IMMT: variants seen among roughly 807,000 people sequenced by gnomAD.
The protein encoded by IMMT is inner membrane mitochondrial protein, also known as MICOS complex subunit MIC60.
Under a neutral mutation model 92.7 loss-of-function variants are expected in IMMT, and 40 were observed. That is an observed-to-expected ratio of 0.43 (90% CI 0.34 to 0.56). IMMT has a LOEUF of 0.56. Ranked by LOEUF, IMMT falls within the 20% of genes least tolerant of loss-of-function variation. The pLI, the probability that IMMT is intolerant of heterozygous loss-of-function variation, is 0.03. For synonymous variants in IMMT, 322 were observed against 336.1 expected, an observed-to-expected ratio of 0.96 and a Z score of 0.46; for missense variants, 831 against 912.1, an observed-to-expected ratio of 0.91 and a Z score of 1.14.
chr2:86,166,226 G>C (rs537848459), intron 7 of IMMT, among the ~76,000 whole-genome samples: 2 of 152,286 alleles, frequency 1.3e-5, no homozygotes, highest in African/African-American at 4.8e-5. Flanking sequence ...AGCTACTCGG[G>C]AGGCTGAGGC....
chr2:86,152,102 T>A (rs955904079), intron 11 of IMMT, among the ~76,000 whole-genome samples: 12 of 152,170 alleles, frequency 7.9e-5, no homozygotes, highest in African/African-American at 2.4e-4. Context: ...TTGTTTTTTT[T>A]TAAAATCTCA....
At chr2:86,165,313 T>C (rs1676597892) in intron 7 of IMMT, among the ~76,000 whole-genome samples, 1 of 152,208 alleles carries the variant, frequency 6.6e-6, no homozygotes, top group South Asian at 2.1e-4. Flanking sequence ...CCCATATCGG[T>C]AACCAGCAAA....
rs1676699775 is a variant in IMMT at position 86,166,656 on chromosome 2, A to G, written c.656-12T>C. 6.3e-7 allele frequency: 1 copy of G among 1,581,008 alleles called. No homozygotes were observed. The highest frequency in any genetic ancestry group is 1.4e-5 in the African/African-American group (1 of 72,910). ...GCTCTTGGCTAGAGCTTAAAAAAAA[A>G]AAAGAACAGTTAAAAAACAAATCCT... is the stretch of plus-strand genomic sequence containing the variant. On this transcript the variant is annotated splice_polypyrimidine_tract_variant and intron_variant, in intron 6 of 14. Coordinates refer to ENST00000410111, the MANE Select transcript of IMMT (RefSeq NM_006839.3).
intron 14 of IMMT, among the ~76,000 whole-genome samples, 172 bp from the exon 15 acceptor site, chr2:86,145,053 G>C (rs924147133): frequency 8.6e-5 from 11 of 127,982 alleles, no homozygotes; most frequent in Admixed American, 8.6e-4. Flanking sequence ...TTCCTAGCTG[G>C]CCTCTTCATA....
rs1287660210 is a variant in IMMT at position 86,179,686 on chromosome 2, C to G, written c.120-64G>C. The G allele has an allele frequency of 8.2e-6, 11 of 1,342,226 alleles. No individual in the cohort carries two copies. In the East Asian group the frequency reaches 1.8e-4, roughly 22 times the overall value. 83.1% of individuals were successfully genotyped at this position (1,342,226 alleles called of 1,614,324 possible). A position where few individuals can be genotyped will look rare whatever the true frequency, so the allele number is the denominator to read the frequency against. On this transcript the variant is annotated intron_variant, in intron 2 of 14. Transcript: ENST00000410111. ...GCTCTCCTACACCTATTTTCCTATA[C>G]CAATGTAACCATCTCGAAGACCTCT...
intron 11 of IMMT, among the ~76,000 whole-genome samples, chr2:86,153,304 T>TACACACAC (rs10572745): frequency 0.082 from 11,863 of 143,798 alleles, 521 homozygotes; most frequent in Middle Eastern, 0.12. Flanking sequence ...CAATCCATAT[T>TACACACAC]ACACACACAC....
chr2:86,147,673 G>T (rs946044494), intron 13 of IMMT, 29 bp downstream of exon 13: 1 of 1,600,376 alleles, frequency 6.2e-7, no homozygotes, highest in Non-Finnish European at 8.5e-7. Context: ...AGGAAGAGGG[G>T]TGTGGCTGAA....
At chr2:86,174,085 T>C (rs1031582282) in intron 3 of IMMT, among the ~76,000 whole-genome samples, 1 of 152,234 alleles carries the variant, frequency 6.6e-6, no homozygotes, top group African/African-American at 2.4e-5. Context: ...AAGACTATTA[T>C]CATTTCCTTT....
In IMMT at chr2:86,151,507, A is replaced by G. The variant is rs1007530861; in HGVS notation, c.1191T>C (p.Ser397=). 6.2e-7 allele frequency: 1 copy of G among 1,613,318 alleles called. No individual in the cohort carries two copies. Among genetic ancestry groups the G allele is most frequent in the Non-Finnish European group, 8.5e-7 (1 of 1,179,194 alleles). ...CAATGAGGGAGTTCAGATCATCAGT[A>G]GAGAGCTTGTCAGCTAAGCAAAAGA... ...MSVSDLADKL[S]TDDLNSLIAH... The change falls in exon 12 of 15, where the codon TCT becomes TCC. Residue 397 remains serine (S), a synonymous_variant. Coordinates refer to ENST00000410111, the MANE Select transcript of IMMT (RefSeq NM_006839.3).
At chr2:86,189,082 G>GA (rs1475089469) in intron 1 of IMMT, among the ~76,000 whole-genome samples, 4 of 151,886 alleles carry the variant, frequency 2.6e-5, no homozygotes, top group African/African-American at 9.7e-5. Flanking sequence ...TTTTGTCCTG[G>GA]AATTCCTTTT....
intron 10 of IMMT, among the ~76,000 whole-genome samples, chr2:86,157,944 A>C (rs939485576): frequency 1.3e-5 from 2 of 152,186 alleles, no homozygotes; most frequent in East Asian, 3.9e-4. Flanking sequence ...AACGACAAAA[A>C]AAATAAAAAT....
chr2:86,165,826 T>C (rs1676637154), intron 7 of IMMT, among the ~76,000 whole-genome samples: 2 of 152,324 alleles, frequency 1.3e-5, no homozygotes, highest in South Asian at 2.1e-4. Flanking sequence ...TTCTTAAAAC[T>C]GCATGTGAAG....
At position 86,160,014 on chromosome 2, in the gene IMMT, C is replaced by T. The variant is rs549896535; in HGVS notation, c.897-343G>A. 11 of 159,528 alleles carry T rather than the reference C, an allele frequency of 6.9e-5. No homozygotes were observed. The East Asian group carries it at 1.2e-3, about 18-fold the overall frequency. 9.9% of individuals were successfully genotyped at this position (159,528 alleles called of 1,614,324 possible). A position where few individuals can be genotyped will look rare whatever the true frequency, so the allele number is the denominator to read the frequency against. On this transcript the variant is annotated intron_variant, in intron 8 of 14. Transcript: ENST00000410111. Reference sequence around the variant, plus strand: ...AAGACTAGAACGAGACTGTTCGATCCGTAACTGACTGTGAACAATCAACTG... The same window carrying T: ...AAGACTAGAACGAGACTGTTCGATCTGTAACTGACTGTGAACAATCAACTG...
intron 10 of IMMT, among the ~76,000 whole-genome samples, chr2:86,158,064 A>G (rs1347609383): frequency 6.6e-6 from 1 of 152,230 alleles, no homozygotes; most frequent in Non-Finnish European, 1.5e-5. Flanking sequence ...TAACGACTTC[A>G]GCATCAAAGT....
At chr2:86,150,846 G>C (rs1446158018) in intron 12 of IMMT, among the ~76,000 whole-genome samples, 1 of 151,974 alleles carries the variant, frequency 6.6e-6, no homozygotes, top group Non-Finnish European at 1.5e-5. Flanking sequence ...TGAGGGGAAT[G>C]AGGACCTAAG....
intron 1 of IMMT, among the ~76,000 whole-genome samples, chr2:86,191,816 G>C (rs2105716494): frequency 6.6e-6 from 1 of 151,738 alleles, no homozygotes; most frequent in Admixed American, 6.6e-5. Context: ...TTGGGAGGCT[G>C]AGGCAGGAGA....
Position 86,171,341 on chromosome 2 carries a change from A to G in IMMT, c.426T>C (p.Pro142=). The G allele has an allele frequency of 6.2e-7, 1 of 1,610,380 alleles. No individual in the cohort carries two copies. Among genetic ancestry groups the G allele is most frequent in the Non-Finnish European group, 8.5e-7 (1 of 1,178,038 alleles). Residue 142 remains proline, a synonymous_variant, in exon 5 of 15, where the codon CCT becomes CCC. Transcript: ENST00000410111. ...CAGAAATAATTTGAGCCGCTTCTGTAGGTGCTATAAATATATGTTACTCAT... is the reference window on the plus strand; with the variant it reads ...CAGAAATAATTTGAGCCGCTTCTGTGGGTGCTATAAATATATGTTACTCAT... The part of the protein sequence containing the change: ...KGDTPASATA[P]TEAAQIISAA...
At chr2:86,183,064 T>G (rs1180881948) in intron 1 of IMMT, among the ~76,000 whole-genome samples, 1 of 152,208 alleles carries the variant, frequency 6.6e-6, no homozygotes, top group African/African-American at 2.4e-5. Flanking sequence ...ATTCCATTTT[T>G]GTGACTTAGG....
chr2:86,181,502 G>C, intron 1 of IMMT, 130 bp from the exon 2 acceptor site: 1 of 652,420 alleles, frequency 1.5e-6, no homozygotes. Flanking sequence ...TTTTTCAGAA[G>C]TCAATTTATC....
Sources: gnomAD v4.1 joint callset for allele counts (sites outside exome capture counted in the v4.1 genomes callset) on GRCh38, gnomAD v4.1.1 for gene constraint, MANE v1.5 for transcripts, NCBI Gene and HGNC (gene_info 2026-07-23, HGNC 2026-07-21) for gene names.